The following PRKACA variants were observed in gnomAD, a reference collection of about 807,000 sequenced individuals.
PRKACA encodes the protein protein kinase cAMP-activated catalytic subunit alpha.
Under a neutral mutation model 45.8 loss-of-function variants are expected in PRKACA, and 9 were observed. The ratio of observed to expected loss-of-function variants is 0.20; its 90% CI spans 0.12 to 0.34. The LOEUF (loss-of-function observed/expected upper bound fraction) is 0.34, where lower values mean the gene tolerates loss of function less well. PRKACA is among the 10% of genes least tolerant of loss of function. PRKACA has a pLI of 1.00. For synonymous variants in PRKACA, 160 were observed against 178.6 expected, an observed-to-expected ratio of 0.90 and a Z score of 0.83; for missense variants, 238 against 458.6, an observed-to-expected ratio of 0.52 and a Z score of 4.39.
intron 4 of PRKACA, among the ~76,000 whole-genome samples, 183 bp downstream of exon 4, chr19:14,102,633 C>G (rs1011636125): frequency 6.6e-6 from 1 of 152,204 alleles, no homozygotes; most frequent in African/African-American, 2.4e-5. Context: ...GGACCAGGAA[C>G]TGAACTTGGG....
Position 14,097,570 on chromosome 19 carries a change from G to A in PRKACA, c.642+9C>T. The A allele has an allele frequency of 6.2e-7, 1 of 1,613,444 alleles. No individual in the cohort carries two copies. Among genetic ancestry groups the A allele is most frequent in the South Asian group, 1.1e-5 (1 of 91,018 alleles). ...CTCAGGGGAAGGGGAGGGCTGGGGA[G>A]GCTCCTACTTTGCTCAGGATAATCT... On this transcript the variant is annotated intron_variant, in intron 7 of 9. Transcript: ENST00000308677. The surrounding 1 kb of genome is among the most constrained non-coding windows in gnomAD (Gnocchi z 5.4).
At chr19:14,114,236 G>T (rs879580936) in intron 1 of PRKACA, 84 of 1,562,384 alleles carry the variant, frequency 5.4e-5, no homozygotes, top group Non-Finnish European at 7.0e-5. Flanking sequence ...TCGGCTGTCT[G>T]TCCCCAGAAC....
At chr19:14,106,523 A>C (rs1977608237) in intron 3 of PRKACA, among the ~76,000 whole-genome samples, 1 of 151,988 alleles carries the variant, frequency 6.6e-6, no homozygotes, top group Admixed American at 6.6e-5. Context: ...GTGTGGTGGC[A>C]GGCGCCTGTA....
chr19:14,113,575 T>A (rs1158478303), intron 1 of PRKACA, among the ~76,000 whole-genome samples: 1 of 152,132 alleles, frequency 6.6e-6, no homozygotes, highest in Non-Finnish European at 1.5e-5. Flanking sequence ...GCTTGGGGTC[T>A]CTCTCGGAAG....
At chr19:14,093,382 G>T in intron 9 of PRKACA, 145 bp from the exon 10 acceptor site, 1 of 1,192,148 alleles carries the variant, frequency 8.4e-7, no homozygotes, top group Non-Finnish European at 1.2e-6. Context: ...CCTCTTAACA[G>T]CCCGAAACTC....
At position 14,114,064 on chromosome 19, in the gene PRKACA, G is replaced by T. The variant is rs1246210009; in HGVS notation, c.46+3438C>A. On this transcript the variant is annotated intron_variant, in intron 1 of 9. Coordinates refer to ENST00000308677, the MANE Select transcript of PRKACA (RefSeq NM_002730.4). ...CTTCGCCTGTGCCCCAGACCCCGCT[G>T]CAGCCCCTCCCTGACTTAAGGGGCA... 3.9e-6 allele frequency: 6 copies of T among 1,529,014 alleles called. No homozygotes were observed. The East Asian group carries it at 1.4e-4, about 36-fold the overall frequency. 94.7% of individuals were successfully genotyped at this position (1,529,014 alleles called of 1,614,324 possible). A position where few individuals can be genotyped will look rare whatever the true frequency, so the allele number is the denominator to read the frequency against.
intron 8 of PRKACA, among the ~76,000 whole-genome samples, chr19:14,094,983 C>G (rs1977202065): frequency 6.6e-6 from 1 of 152,220 alleles, no homozygotes; most frequent in Non-Finnish European, 1.5e-5. Flanking sequence ...CTTAACCTCT[C>G]TGGGCCTGCG....
intron 1 of PRKACA, chr19:14,107,672 C>A (rs1206462532): frequency 2.9e-5 from 38 of 1,302,778 alleles, no homozygotes; most frequent in Non-Finnish European, 3.3e-5. Flanking sequence ...GGGAGGTGCC[C>A]AGGCAGACCA....
chr19:14,094,892 C>T (rs1977199797), intron 8 of PRKACA, among the ~76,000 whole-genome samples: 1 of 152,248 alleles, frequency 6.6e-6, no homozygotes, highest in Non-Finnish European at 1.5e-5. Flanking sequence ...GTATGCAAGT[C>T]ATCACTGGAG....
rs1265374199 is a variant in PRKACA at position 14,092,885 on chromosome 19, T to C, written c.*227A>G. Reference sequence around the variant, plus strand: ...CTGTGGGGAAAGAGGAAGGGAAAAGTGGGAGAGGGGGCAGGAGGGTGAAGG... The same window carrying C: ...CTGTGGGGAAAGAGGAAGGGAAAAGCGGGAGAGGGGGCAGGAGGGTGAAGG... On this transcript the variant is annotated 3_prime_UTR_variant, in exon 10 of 10. Transcript: ENST00000308677. 1 of 266,792 alleles carries C rather than the reference T, an allele frequency of 3.7e-6. No homozygotes were observed. Among genetic ancestry groups the C allele is most frequent in the Non-Finnish European group, 6.4e-6 (1 of 156,442 alleles). The allele number at this position is 266,792 out of a possible 1,614,324, so 16.5% of individuals were successfully genotyped here. A position where few individuals can be genotyped will look rare whatever the true frequency, so the allele number is the denominator to read the frequency against.
At chr19:14,103,139 A>G (rs1445656675) in intron 3 of PRKACA, among the ~76,000 whole-genome samples, 1 of 152,104 alleles carries the variant, frequency 6.6e-6, no homozygotes, top group Non-Finnish European at 1.5e-5. Flanking sequence ...CAAAGAATAC[A>G]TGGGTTACCC....
intron 8 of PRKACA, among the ~76,000 whole-genome samples, chr19:14,094,704 A>AGCT (rs879416748): frequency 2.9e-4 from 44 of 152,280 alleles, no homozygotes; most frequent in Admixed American, 5.2e-4. Flanking sequence ...TTGCATTCTC[A>AGCT]GCTGCTGCTG....
At position 14,107,843 on chromosome 19, in the gene PRKACA, T is replaced by TG. The variant is rs1426501757; in HGVS notation, c.47-435dup. ...CGGGGGCTCGGGTAGCAGGTGCCCT[T>TG]GGGGGGCTCAGCTGTCACCTTGGCC... On this transcript the variant is annotated intron_variant, in intron 1 of 9. Transcript: ENST00000308677. The TG allele has an allele frequency of 1.0e-5, 10 of 995,476 alleles. No homozygotes were observed. The South Asian group carries it at 3.1e-4, about 31-fold the overall frequency. The allele number at this position is 995,476 out of a possible 1,614,324, so 61.7% of individuals were successfully genotyped here.
chr19:14,095,014 C>G (rs888425840), intron 8 of PRKACA, among the ~76,000 whole-genome samples: 35 of 152,218 alleles, frequency 2.3e-4, no homozygotes, highest in African/African-American at 8.2e-4. Flanking sequence ...AGATGTGGGG[C>G]AGATATGCCA....
intron 1 of PRKACA, among the ~76,000 whole-genome samples, chr19:14,116,581 T>C (rs1308410879): frequency 6.6e-6 from 1 of 152,040 alleles, no homozygotes; most frequent in African/African-American, 2.4e-5. Context: ...GGAGCCTCAG[T>C]TGTGAAACGA....
At position 14,100,885 on chromosome 19, in the gene PRKACA, G is replaced by T; in HGVS notation, c.360C>A (p.Val120=). Residue 120 remains valine (V), a synonymous_variant, in exon 5 of 10, where the codon GTC becomes GTA. Coordinates refer to ENST00000308677, the MANE Select transcript of PRKACA (RefSeq NM_002730.4). Reference sequence around the variant, plus strand: ...TCTCCCCGCCGGGCACGTACTCCATGACCATGTATAAGTTTGAGTTGTCCT... The same window carrying T: ...TCTCCCCGCCGGGCACGTACTCCATTACCATGTATAAGTTTGAGTTGTCCT... ...SFKDNSNLYM[V]MEYVPGGEMF... The T allele has an allele frequency of 6.2e-7, 1 of 1,613,990 alleles. No individual in the cohort carries two copies. Among genetic ancestry groups the T allele is most frequent in the South Asian group, 1.1e-5 (1 of 91,048 alleles).
At position 14,111,432 on chromosome 19, in the gene PRKACA, GGA is replaced by G. The variant is rs1447633854; in HGVS notation, c.47-4025_47-4024del. On this transcript the variant is annotated intron_variant, in intron 1 of 9. Coordinates refer to ENST00000308677, the MANE Select transcript of PRKACA (RefSeq NM_002730.4). Reference sequence around the variant, plus strand: ...AAAAAGAAAGTGGTAGATGGCAGATGGAGAGAGACCGTGGCCAAGAAGGCCCC... The same window carrying G: ...AAAAAGAAAGTGGTAGATGGCAGATGGAGAGACCGTGGCCAAGAAGGCCCC... Among the ~76,000 whole-genome samples the G allele has an allele frequency of 3.9e-5, 6 of 152,046 alleles. No individual in the cohort carries two copies. In the East Asian group the frequency reaches 9.6e-4, roughly 24 times the overall value.
At chr19:14,100,125 G>T (rs1416113220) in intron 5 of PRKACA, among the ~76,000 whole-genome samples, 10 of 151,812 alleles carry the variant, frequency 6.6e-5, no homozygotes, top group Non-Finnish European at 1.5e-5. Flanking sequence ...TTACAGGCAC[G>T]AGCCACTGCG....
At position 14,092,931 on chromosome 19, in the gene PRKACA, T is replaced by C; in HGVS notation, c.*181A>G. ...GAAGGGGATGAGGGGGAGCAGCTGG[T>C]GTTTCTGTCCCTCTGATTATCTGGG... On this transcript the variant is annotated 3_prime_UTR_variant, in exon 10 of 10. Transcript: ENST00000308677. The C allele has an allele frequency of 1.4e-6, 1 of 699,554 alleles. No individual in the cohort carries two copies. The highest frequency in any genetic ancestry group is 2.4e-5 in the South Asian group (1 of 41,098). 43.3% of individuals were successfully genotyped at this position (699,554 alleles called of 1,614,324 possible).
Sources: allele counts gnomAD v4.1 joint callset (sites outside exome capture counted in the v4.1 genomes callset), GRCh38; gene constraint gnomAD v4.1.1; non-coding constraint Gnocchi (gnomAD v3.1); transcripts MANE v1.5; gene names NCBI Gene and HGNC (gene_info 2026-07-23, HGNC 2026-07-21).